The following ADGRL2 variants were observed in gnomAD, a reference collection of about 807,000 sequenced individuals.
ADGRL2 encodes calcium-independent alpha-latrotoxin receptor 2.
Under a neutral mutation model 157.4 loss-of-function variants are expected in ADGRL2, and 44 were observed. The observed-to-expected ratio is 0.28, with a 90% confidence interval of 0.22 to 0.36. The LOEUF (loss-of-function observed/expected upper bound fraction) is 0.36. Among genes scored for constraint, ADGRL2 ranks in the 10% least tolerant of loss-of-function variants. The pLI is 1.00. For missense variants in ADGRL2, 1,510 were observed against 1,768.9 expected (o/e 0.85, Z 2.63); for synonymous variants, 585 against 624.7 (o/e 0.94, Z 0.95).
Position 81,966,543 on chromosome 1 carries a change from A to G in ADGRL2, c.2283A>G (p.Ser761=). Residue 761 remains serine, a synonymous_variant, in exon 13 of 24, where the codon TCA becomes TCG. Coordinates refer to ENST00000686636, the MANE Select transcript of ADGRL2 (RefSeq NM_001366006.2). ...IAVNSHVISV[S]INKESSRVYL... ...TGAACTCTCACGTCATTTCAGTTTC[A>G]ATCAATAAAGAGTCCAGCCGAGTAT... 6.2e-7 allele frequency: 1 copy of G among 1,614,086 alleles called. No homozygotes were observed. The highest frequency in any genetic ancestry group is 8.5e-7 in the Non-Finnish European group (1 of 1,179,982).
Position 81,387,836 on chromosome 1 carries a change from C to G in ADGRL2, c.-301-57200C>G, listed in dbSNP as rs562463719. ...GTCCTTTTCTCTTCCAGTAATACCTCTGTCTAATCCTCTCTCAACTCTCCT... is the reference window on the plus strand; with the variant it reads ...GTCCTTTTCTCTTCCAGTAATACCTGTGTCTAATCCTCTCTCAACTCTCCT... On this transcript the variant is annotated intron_variant, in intron 1 of 24. Transcript: ENST00000370721. 3.3e-5 allele frequency among the ~76,000 whole-genome samples: 5 copies of G among 152,214 alleles called. No individual in the cohort carries two copies. The South Asian group carries it at 1.0e-3, about 32-fold the overall frequency.
intron 3 of ADGRL2, among the ~76,000 whole-genome samples, chr1:81,935,081 A>C (rs1413188464): frequency 6.6e-6 from 1 of 152,100 alleles, no homozygotes; most frequent in Admixed American, 6.6e-5. Context: ...GAGAAACTGT[A>C]AACCTACCTC....
intron 2 of ADGRL2, among the ~76,000 whole-genome samples, chr1:81,549,952 A>T (rs2080105904): frequency 1.3e-5 from 2 of 152,220 alleles, no homozygotes; most frequent in Admixed American, 1.3e-4. Flanking sequence ...AAAGGGAAAA[A>T]ATTACAAAAA....
intron 2 of ADGRL2, among the ~76,000 whole-genome samples, chr1:81,507,897 T>G (rs13374284): frequency 1.3e-5 from 2 of 151,676 alleles, no homozygotes; most frequent in Non-Finnish European, 2.9e-5. Context: ...CTGTGCAAAA[T>G]GAAAACATGA....
chr1:81,312,371 G>T (rs1024310841), intron 1 of ADGRL2, among the ~76,000 whole-genome samples: 2 of 152,212 alleles, frequency 1.3e-5, no homozygotes, highest in East Asian at 1.9e-4. Flanking sequence ...CAGCCAGCAT[G>T]CTCCTGGAAC....
chr1:81,937,521 G>A (rs149542754), intron 4 of ADGRL2, among the ~76,000 whole-genome samples: 3 of 151,838 alleles, frequency 2.0e-5, no homozygotes, highest in African/African-American at 7.2e-5. Context: ...CTCAGAATTC[G>A]TACTTCAAAA....
intron 1 of ADGRL2, among the ~76,000 whole-genome samples, chr1:81,429,654 G>C (rs2077283882): frequency 6.6e-6 from 1 of 152,100 alleles, no homozygotes; most frequent in Admixed American, 6.6e-5. Context: ...TAAAACAATG[G>C]TTTCCATATA....
intron 4 of ADGRL2, among the ~76,000 whole-genome samples, chr1:81,940,090 A>G (rs1025165803): frequency 1.3e-5 from 2 of 151,558 alleles, no homozygotes; most frequent in Admixed American, 6.6e-5. Flanking sequence ...TAGTTTATCA[A>G]ATAACAAAAT....
intron 2 of ADGRL2, among the ~76,000 whole-genome samples, chr1:81,791,385 T>C (rs531868507): frequency 6.6e-6 from 1 of 152,038 alleles, no homozygotes; most frequent in Non-Finnish European, 1.5e-5. Context: ...CTGTGGATGG[T>C]TGGATAAAAG....
chr1:81,557,694 C>T (rs184326609), intron 2 of ADGRL2: 2 of 152,410 alleles, frequency 1.3e-5, no homozygotes, highest in African/African-American at 4.8e-5. Context: ...CGCAGGATAA[C>T]TCCAATTACT....
At chr1:81,400,683 TGCA>T (rs1228873920) in intron 1 of ADGRL2, among the ~76,000 whole-genome samples, 1 of 152,018 alleles carries the variant, frequency 6.6e-6, no homozygotes, top group African/African-American at 2.4e-5. Flanking sequence ...TTAGTCCAGG[TGCA>T]GCAGCAGCAA....
At chr1:81,427,271 G>A in intron 1 of ADGRL2, 1 of 743,150 alleles carries the variant, frequency 1.3e-6, no homozygotes, top group South Asian at 1.4e-5. Context: ...TGAAGGAGGT[G>A]ATGGTGGATA....
chr1:81,417,766 T>C (rs1477413085), intron 1 of ADGRL2, among the ~76,000 whole-genome samples: 1 of 152,216 alleles, frequency 6.6e-6, no homozygotes, highest in Non-Finnish European at 1.5e-5. Flanking sequence ...AGATTTGATA[T>C]ATTTCTAATC....
chr1:81,734,752 G>A (rs1040758816), intron 1 of ADGRL2, among the ~76,000 whole-genome samples: 4 of 149,368 alleles, frequency 2.7e-5, no homozygotes, highest in Non-Finnish European at 4.5e-5. Flanking sequence ...GTGTAAGTTG[G>A]CCAGGCCATG....
intron 3 of ADGRL2, among the ~76,000 whole-genome samples, chr1:81,908,125 C>T (rs1034966537): frequency 5.9e-5 from 9 of 152,114 alleles, no homozygotes; most frequent in Non-Finnish European, 8.8e-5. Context: ...TTCAGGTTGT[C>T]GCCTAGGAGC....
intron 3 of ADGRL2, among the ~76,000 whole-genome samples, chr1:81,681,711 A>G (rs2083118090): frequency 6.6e-6 from 1 of 152,170 alleles, no homozygotes; most frequent in Non-Finnish European, 1.5e-5. Context: ...AGAAGGGGGA[A>G]TTGTTTTCCT....
intron 2 of ADGRL2, among the ~76,000 whole-genome samples, chr1:81,875,479 C>A (rs1179292321): frequency 3.9e-5 from 6 of 152,056 alleles, no homozygotes; most frequent in Admixed American, 3.3e-4. Flanking sequence ...ATGTTATGTT[C>A]TATTACATTG....
intron 2 of ADGRL2, among the ~76,000 whole-genome samples, chr1:81,869,205 T>C (rs1315073410): frequency 6.6e-6 from 1 of 152,142 alleles, no homozygotes; most frequent in Non-Finnish European, 1.5e-5. Context: ...GATATACTTA[T>C]AAATCACTTG....
chr1:81,871,239 C>T (rs1452818209), intron 2 of ADGRL2, among the ~76,000 whole-genome samples: 1 of 152,048 alleles, frequency 6.6e-6, no homozygotes, highest in African/African-American at 2.4e-5. Context: ...CCAGCTTCGT[C>T]CATGTCCCTA....
Sources: allele counts gnomAD v4.1 joint callset (sites outside exome capture counted in the v4.1 genomes callset), GRCh38; gene constraint gnomAD v4.1.1; transcripts MANE v1.5; gene names NCBI Gene and HGNC (gene_info 2026-07-23, HGNC 2026-07-21).